GRK4: variants seen among roughly 807,000 people sequenced by gnomAD.
The protein encoded by GRK4 is G protein-coupled receptor kinase 4.
In GRK4, 73 loss-of-function variants were observed where a neutral mutation model predicts 77.9. The ratio of observed to expected loss-of-function variants is 0.94; its 90% CI spans 0.78 to 1.14. The LOEUF (loss-of-function observed/expected upper bound fraction) is 1.14, where lower values mean the gene tolerates loss of function less well. Among genes scored for constraint, GRK4 ranks in the 50% most tolerant of loss-of-function variants. GRK4 has a pLI of 0.00. For synonymous variants in GRK4, 257 were observed against 254.4 expected (o/e 1.01, Z -0.10); for missense variants, 729 against 700.2 (o/e 1.04, Z -0.46).
intron 2 of GRK4, among the ~76,000 whole-genome samples, chr4:2,986,044 CTG>C (rs1350316453): frequency 1.4e-5 from 2 of 146,420 alleles, no homozygotes; most frequent in Non-Finnish European, 1.5e-5. Flanking sequence ...GCAATCATAA[CTG>C]TATTTTTTAA....
intron 1 of GRK4, among the ~76,000 whole-genome samples, chr4:2,977,499 C>T (rs935750013): frequency 6.6e-6 from 1 of 152,194 alleles, no homozygotes; most frequent in African/African-American, 2.4e-5. Context: ...CTGATACTTG[C>T]TGCTGTAACA....
intron 12 of GRK4, 30 bp from the exon 13 acceptor site, chr4:3,035,356 T>C: frequency 6.2e-7 from 1 of 1,613,090 alleles, no homozygotes; most frequent in Non-Finnish European, 8.5e-7. Context: ...ATCCAGAGGC[T>C]CAAGTGGGTT....
chr4:3,016,508 G>A (rs1383459349), intron 8 of GRK4, among the ~76,000 whole-genome samples: 2 of 136,632 alleles, frequency 1.5e-5, no homozygotes, highest in East Asian at 4.0e-4. Flanking sequence ...CTCCAGCCTG[G>A]GTGACAGAGT....
chr4:3,032,338 T>G (rs944118622), intron 12 of GRK4, among the ~76,000 whole-genome samples: 7 of 150,024 alleles, frequency 4.7e-5, no homozygotes, highest in African/African-American at 1.5e-4. Flanking sequence ...ATTAGCCAGG[T>G]GCGGTGGTGG....
intron 12 of GRK4, among the ~76,000 whole-genome samples, chr4:3,034,012 G>A (rs1739893383): frequency 6.6e-6 from 1 of 152,224 alleles, no homozygotes; most frequent in East Asian, 1.9e-4. Flanking sequence ...TTAGCTTCAG[G>A]AAGCTTTGAG....
Position 2,975,136 on chromosome 4 carries a change from C to G in GRK4, c.53-9377C>G, listed in dbSNP as rs185221744. ...TGGCCAACATGGTGAAACCCTGTCT[C>G]TACCAAAAATACAAAAATTAGCTGG... On this transcript the variant is annotated intron_variant, in intron 1 of 15. Transcript: ENST00000398052. Among the ~76,000 whole-genome samples, 315 of 152,306 alleles carry G rather than the reference C, an allele frequency of 2.1e-3. 2 individuals are homozygous for G. Among genetic ancestry groups the G allele is most frequent in the South Asian group, 6.2e-3 (30 of 4,832 alleles).
intron 2 of GRK4, among the ~76,000 whole-genome samples, chr4:2,984,819 A>G (rs1031840007): frequency 9.9e-5 from 15 of 151,996 alleles, no homozygotes; most frequent in African/African-American, 3.6e-4. Context: ...TTAAAAATAT[A>G]TATTTTTTAT....
Position 3,019,755 on chromosome 4 carries a change from G to A in GRK4, c.856G>A (p.Glu286Lys). 9 of 1,614,212 alleles carry A rather than the reference G, an allele frequency of 5.6e-6. No individual in the cohort carries two copies. Among genetic ancestry groups the A allele is most frequent in the South Asian group, 1.1e-5 (1 of 91,078 alleles). The change falls in exon 9 of 16, where the codon GAG becomes AAG. Residue 286 changes from glutamate (E) to lysine (K), a missense_variant. By Grantham distance (56) the Glu-to-Lys change is moderately conservative. Transcript: ENST00000398052. ...CAACCTGGGCAATCCCGGCTTTGAT[G>A]AGCAGAGAGCCGTTTTCTATGCTGC... ...IYNLGNPGFD[E>K]QRAVFYAAEL...
At chr4:3,011,130 G>C (rs1732798737) in intron 7 of GRK4, among the ~76,000 whole-genome samples, 1 of 152,146 alleles carries the variant, frequency 6.6e-6, no homozygotes, top group Non-Finnish European at 1.5e-5. Context: ...CAAATGTAAT[G>C]ACTCAGATTT....
intron 4 of GRK4, among the ~76,000 whole-genome samples, chr4:2,995,908 T>C (rs1727721848): frequency 6.6e-6 from 1 of 152,142 alleles, no homozygotes; most frequent in Non-Finnish European, 1.5e-5. Flanking sequence ...AGTGAGAATA[T>C]AAGTTATGGT....
chr4:3,004,426 C>T (rs1730710130), intron 5 of GRK4, 92 bp downstream of exon 5: 2 of 783,992 alleles, frequency 2.6e-6, no homozygotes, highest in Non-Finnish European at 4.3e-6. Context: ...AAGACAAGTT[C>T]CTAGAGTGTA....
chr4:3,031,738 G>A (rs934955211), intron 12 of GRK4, among the ~76,000 whole-genome samples: 2 of 152,212 alleles, frequency 1.3e-5, no homozygotes, highest in African/African-American at 4.8e-5. Flanking sequence ...CTGACAGAGT[G>A]CTTGCTGGCC....
chr4:3,035,587 CTT>C, intron 13 of GRK4, 64 bp downstream of exon 13: 1 of 1,517,402 alleles, frequency 6.6e-7, no homozygotes, highest in South Asian at 1.3e-5. Flanking sequence ...CGGTTTTTCT[CTT>C]TCTTTTTTCA....
intron 1 of GRK4, among the ~76,000 whole-genome samples, chr4:2,981,700 C>T (rs1722919039): frequency 6.6e-6 from 1 of 152,252 alleles, no homozygotes; most frequent in Non-Finnish European, 1.5e-5. Context: ...TAAGTTCTCA[C>T]TCCAGTCTGC....
intron 4 of GRK4, among the ~76,000 whole-genome samples, chr4:2,996,329 C>T (rs1259553182): frequency 2.0e-5 from 3 of 151,916 alleles, no homozygotes; most frequent in Non-Finnish European, 4.4e-5. Context: ...CTGAGGCAGA[C>T]GGATCACCTG....
intron 12 of GRK4, among the ~76,000 whole-genome samples, chr4:3,034,286 A>T (rs1739987260): frequency 6.6e-6 from 1 of 152,166 alleles, no homozygotes; most frequent in Non-Finnish European, 1.5e-5. Flanking sequence ...AGAAGCGCAG[A>T]CCAGAATGCT....
chr4:2,966,220 T>C (rs142199647), intron 1 of GRK4: 4,384 of 152,240 alleles, frequency 0.029, 81 homozygotes, highest in Middle Eastern at 0.041. Context: ...GAGACCATCC[T>C]GGCTAACATG....
At chr4:3,034,548 G>A (rs1740068485) in intron 12 of GRK4, among the ~76,000 whole-genome samples, 1 of 152,068 alleles carries the variant, frequency 6.6e-6, no homozygotes, top group African/African-American at 2.4e-5. Flanking sequence ...TGTTGCTTTT[G>A]AGCACAGCCC....
At chr4:2,964,924 C>T (rs988378110) in intron 1 of GRK4, among the ~76,000 whole-genome samples, 89 of 152,030 alleles carry the variant, frequency 5.9e-4, no homozygotes, top group African/African-American at 2.0e-3. Flanking sequence ...CAGACACCCC[C>T]CTTCCAGAGC....
Sources: gnomAD v4.1 joint callset for allele counts (sites outside exome capture counted in the v4.1 genomes callset) on GRCh38, gnomAD v4.1.1 for gene constraint, MANE v1.5 for transcripts, NCBI Gene and HGNC (gene_info 2026-07-23, HGNC 2026-07-21) for gene names.